ASB14: variants seen among roughly 807,000 people sequenced by gnomAD.
ASB14 encodes the protein ankyrin repeat and SOCS box protein 14.
A neutral mutation model predicts 55.6 loss-of-function variants in ASB14; 63 were observed. The ratio of observed to expected loss-of-function variants is 1.13; its 90% CI spans 0.92 to 1.40. The LOEUF is 1.40. Among genes scored for constraint, ASB14 ranks in the 40% most tolerant of loss-of-function variants. ASB14 has a pLI of 0.00. For synonymous variants in ASB14, 256 were observed against 259.9 expected (o/e 0.98, Z 0.15); for missense variants, 724 against 710.4 (o/e 1.02, Z -0.22).
chr3:57,276,418 G>T, intron 10 of ASB14, 110 bp downstream of exon 10: 2 of 761,036 alleles, frequency 2.6e-6, no homozygotes, highest in Non-Finnish European at 4.1e-6. Context: ...CCCAAGCAGA[G>T]CTACTTTTTA....
rs1283799287 is a variant in ASB14 at position 57,272,202 on chromosome 3, A to ATGTT, written c.*23-2588_*23-2585dup. ...GCATTCTGTTACCTATTTGAACAGT[A>ATGTT]TGTTTGTAACTATGGCAATGAAGTC... On this transcript the variant is annotated intron_variant, in intron 10 of 10. Transcript: ENST00000487349. The ATGTT allele has an allele frequency of 3.9e-5, 6 of 152,326 alleles. No individual in the cohort carries two copies. In the South Asian group the frequency reaches 1.2e-3, roughly 32 times the overall value. The allele number at this position is 152,326 out of a possible 1,614,324, so 9.4% of individuals were successfully genotyped here.
chr3:57,289,150 T>C, intron 2 of ASB14, 27 bp from the exon 3 acceptor site: 2 of 1,444,452 alleles, frequency 1.4e-6, no homozygotes, highest in South Asian at 1.2e-5. Context: ...ACATATGTAA[T>C]TCCAAAACTG....
intron 8 of ASB14, 117 bp downstream of exon 8, chr3:57,278,260 A>G (rs1323859925): frequency 3.0e-5 from 21 of 705,940 alleles, no homozygotes; most frequent in Non-Finnish European, 3.7e-5. Flanking sequence ...TATAATTATT[A>G]TACTAGGATC....
intron 2 of ASB14, among the ~76,000 whole-genome samples, chr3:57,291,613 T>C (rs1253591358): frequency 1.3e-5 from 2 of 152,010 alleles, no homozygotes; most frequent in Admixed American, 6.6e-5. Flanking sequence ...AAAGACAAGA[T>C]GTATTAGTTT....
chr3:57,281,337 T>G (rs1467391463), intron 6 of ASB14, among the ~76,000 whole-genome samples: 2 of 150,636 alleles, frequency 1.3e-5, no homozygotes, highest in Non-Finnish European at 3.0e-5. Context: ...GGGCTGGGGT[T>G]GTAAGGGGGG....
chr3:57,278,986 T>G (rs2061014428), intron 7 of ASB14, 66 bp from the exon 8 acceptor site: 1 of 1,489,268 alleles, frequency 6.7e-7, no homozygotes, highest in Non-Finnish European at 9.2e-7. Context: ...TTGTTTATTA[T>G]TGTTTTATAG....
At chr3:57,278,057 G>T in intron 8 of ASB14, 137 bp from the exon 9 acceptor site, 4 of 722,262 alleles carry the variant, frequency 5.5e-6, no homozygotes, top group Non-Finnish European at 6.8e-6. Flanking sequence ...AGGGATGGTA[G>T]TGGTCAACTG....
At position 57,269,621 on chromosome 3, in the gene ASB14, TAGC is replaced by T; in HGVS notation, c.*23-6_*23-4del. The stretch of plus-strand genomic sequence containing the variant: ...GTAGTGAGGGGCAGTTTGTTGTCCT[TAGC>T]AGTAGCCAGTCAGAAGAGAGTGATT... On this transcript the variant is annotated splice_polypyrimidine_tract_variant and splice_region_variant and intron_variant, in intron 10 of 10. Transcript: ENST00000487349. 6.2e-7 allele frequency: 1 copy of T among 1,614,088 alleles called. No homozygotes were observed. The highest frequency in any genetic ancestry group is 8.5e-7 in the Non-Finnish European group (1 of 1,179,990).
chr3:57,277,581 C>T (rs1157528245), intron 9 of ASB14, among the ~76,000 whole-genome samples, 186 bp downstream of exon 9: 1 of 152,092 alleles, frequency 6.6e-6, no homozygotes, highest in Non-Finnish European at 1.5e-5. Context: ...CAGATTTTGT[C>T]TCCTTGGAAA....
At position 57,269,472 on chromosome 3, in the gene ASB14, T is replaced by C. The variant is rs1261165171; in HGVS notation, c.*169A>G. 5 of 1,558,830 alleles carry C rather than the reference T, an allele frequency of 3.2e-6. No individual in the cohort carries two copies. The highest frequency in any genetic ancestry group is 2.7e-5 in the African/African-American group (2 of 73,544). ...AGAAGAAGTGGCTCTCAAGAATGTA[T>C]CTTAACTGCATAATTTGCCATTTGA... On this transcript the variant is annotated 3_prime_UTR_variant, in exon 11 of 11. Transcript: ENST00000487349.
At chr3:57,275,072 A>G (rs1390356260) in intron 10 of ASB14, among the ~76,000 whole-genome samples, 3 of 152,208 alleles carry the variant, frequency 2.0e-5, no homozygotes, top group African/African-American at 4.8e-5. Flanking sequence ...GGGTAAGTAT[A>G]TATTCAGTCC....
intron 6 of ASB14, among the ~76,000 whole-genome samples, chr3:57,282,124 C>T (rs1439355353): frequency 6.6e-6 from 1 of 152,130 alleles, no homozygotes; most frequent in Non-Finnish European, 1.5e-5. Context: ...TTAGACATTT[C>T]TTATATTGAT....
intron 5 of ASB14, among the ~76,000 whole-genome samples, chr3:57,286,312 T>C (rs184074234): frequency 1.3e-4 from 20 of 152,282 alleles, no homozygotes; most frequent in African/African-American, 4.3e-4. Context: ...TTTATTATAA[T>C]TTAAAAGAGG....
rs372180805 is a variant in ASB14 at position 57,278,539 on chromosome 3, G to A, written c.1269C>T (p.Phe423=). ...TCAGAGTGTATTGCAGTGCTGATGG[G>A]AAATGTAAAGGGTTAACTCTGCAGA... ...NYFCRVNPLH[F]PSALQYTLKD... is the part of the protein sequence containing the mutation. The change falls in exon 8 of 11, where the codon TTC becomes TTT. Residue 423 remains phenylalanine, a synonymous_variant. Coordinates refer to ENST00000487349, the MANE Select transcript of ASB14 (RefSeq NM_001142733.3). The A allele has an allele frequency of 1.3e-5, 21 of 1,614,240 alleles. No individual in the cohort carries two copies. The African/African-American group carries it at 2.3e-4, about 17-fold the overall frequency.
chr3:57,278,394 C>G lies in ASB14; in HGVS notation c.1414G>C (p.Val472Leu), dbSNP rs2061007836. Residue 472 changes from valine to leucine, a missense_variant, in exon 8 of 11, where the codon GTT (valine) becomes CTT (leucine). Transcript: ENST00000487349. Reference sequence around the variant, plus strand: ...GGACTTACCTTAGTATCTTTGATAACTGTAGATGTCCAGCCTTCAACAGTA... The same window carrying G: ...GGACTTACCTTAGTATCTTTGATAAGTGTAGATGTCCAGCCTTCAACAGTA... ...SYTVEGWTST[V>L]IKDTKFCEVI... 4 of 1,613,520 alleles carry G rather than the reference C, an allele frequency of 2.5e-6. No individual in the cohort carries two copies. The highest frequency in any genetic ancestry group is 2.7e-5 in the African/African-American group (2 of 74,898).
chr3:57,287,497 A>G (rs2107628632), intron 5 of ASB14, among the ~76,000 whole-genome samples: 1 of 152,310 alleles, frequency 6.6e-6, no homozygotes, highest in East Asian at 1.9e-4. Flanking sequence ...TAAGCTAGGC[A>G]GAGAATAAAC....
At chr3:57,281,587 A>G (rs915308596) in intron 6 of ASB14, among the ~76,000 whole-genome samples, 1 of 152,184 alleles carries the variant, frequency 6.6e-6, no homozygotes, top group African/African-American at 2.4e-5. Flanking sequence ...ATGCCTTAGA[A>G]GTCCAATAAG....
chr3:57,287,778 G>C (rs2061091668), intron 5 of ASB14, 123 bp downstream of exon 5: 3 of 1,111,018 alleles, frequency 2.7e-6, no homozygotes, highest in Non-Finnish European at 3.8e-6. Flanking sequence ...CGGTACCCAT[G>C]TCTGGTCAGT....
At chr3:57,289,271 CT>C in intron 2 of ASB14, 148 bp from the exon 3 acceptor site, 2 of 608,990 alleles carry the variant, frequency 3.3e-6, no homozygotes, top group Non-Finnish European at 2.9e-6. Context: ...AATAGAAATA[CT>C]TCTATTTGTA....
Sources: allele counts gnomAD v4.1 joint callset (sites outside exome capture counted in the v4.1 genomes callset), GRCh38; gene constraint gnomAD v4.1.1; transcripts MANE v1.5; gene names NCBI Gene and HGNC (gene_info 2026-07-23, HGNC 2026-07-21).